CECR2: variants seen among roughly 807,000 people sequenced by gnomAD.
The protein encoded by CECR2 is chromatin remodeling regulator CECR2.
A neutral mutation model predicts 154.5 loss-of-function variants in CECR2; 30 were observed. The ratio of observed to expected loss-of-function variants is 0.19; its 90% CI spans 0.15 to 0.26. CECR2 has a LOEUF of 0.26. CECR2 is among the 10% of genes least tolerant of loss of function. The probability of loss-of-function intolerance (pLI) is 1.00; values close to 1 mark genes in which losing one functional copy is unlikely to be tolerated. For synonymous variants in CECR2, 725 were observed against 683.7 expected, an observed-to-expected ratio of 1.06 and a Z score of -0.94; for missense variants, 1,743 against 1,829.3, an observed-to-expected ratio of 0.95 and a Z score of 0.86.
At chr22:17,516,741 C>T (rs1357870959) in intron 8 of CECR2, among the ~76,000 whole-genome samples, 3 of 152,130 alleles carry the variant, frequency 2.0e-5, no homozygotes, top group African/African-American at 2.4e-5. Flanking sequence ...ATTACATGCA[C>T]CTGCCACCAC....
intron 1 of CECR2, chr22:17,428,513 T>A (rs997774275): frequency 1.3e-5 from 2 of 150,896 alleles, no homozygotes; most frequent in Non-Finnish European, 3.0e-5. Flanking sequence ...TATCAAACAT[T>A]TGGTTATCCT....
At chr22:17,393,296 T>C (rs565478640) in intron 1 of CECR2, among the ~76,000 whole-genome samples, 3 of 152,312 alleles carry the variant, frequency 2.0e-5, no homozygotes, top group Admixed American at 2.0e-4. Flanking sequence ...GATTGGATTT[T>C]TCATTTAGCA....
chr22:17,415,000 T>C (rs1020443497), intron 1 of CECR2, among the ~76,000 whole-genome samples: 5 of 152,194 alleles, frequency 3.3e-5, no homozygotes, highest in African/African-American at 7.2e-5. Flanking sequence ...ATATATGATA[T>C]ACATGTTTAC....
At chr22:17,524,080 T>C (rs1569140706) in intron 8 of CECR2, 38 bp from the exon 9 acceptor site, 1 of 1,475,752 alleles carries the variant, frequency 6.8e-7, no homozygotes, top group Admixed American at 2.0e-5. Flanking sequence ...TCTTGCATGA[T>C]TGTGTACTGA....
intron 2 of CECR2, among the ~76,000 whole-genome samples, chr22:17,488,331 A>G (rs923538173): frequency 6.6e-6 from 1 of 152,180 alleles, no homozygotes; most frequent in African/African-American, 2.4e-5. Flanking sequence ...AAGTACGTTC[A>G]TCGTGTCTTT....
intron 2 of CECR2, among the ~76,000 whole-genome samples, chr22:17,488,568 C>G (rs962716415): frequency 1.3e-5 from 2 of 152,216 alleles, no homozygotes; most frequent in African/African-American, 4.8e-5. Flanking sequence ...AATGAACTCA[C>G]ATCAGCTTCT....
chr22:17,538,710 T>C lies in CECR2; in HGVS notation c.1347T>C (p.Pro449=). Residue 449 remains proline, a synonymous_variant, in exon 12 of 19, where the codon CCT becomes CCC. Coordinates refer to ENST00000262608, the MANE Select transcript of CECR2 (RefSeq NM_001290047.2). ...AACCTGTGGATGAATCTTATGCCCC[T>C]AACTATTATCAGATTATTAAGGTAG... is the stretch of plus-strand genomic sequence containing the variant. The part of the protein sequence containing the change: ...FLEPVDESYA[P]NYYQIIKAPM... 6.2e-7 allele frequency: 1 copy of C among 1,613,856 alleles called. No individual in the cohort carries two copies. Among genetic ancestry groups the C allele is most frequent in the Non-Finnish European group, 8.5e-7 (1 of 1,179,746 alleles).
intron 1 of CECR2, among the ~76,000 whole-genome samples, chr22:17,464,620 C>G (rs1313329950): frequency 6.6e-6 from 1 of 152,132 alleles, no homozygotes; most frequent in Non-Finnish European, 1.5e-5. Context: ...CCTCTGCAGC[C>G]TCCTGAATAG....
Position 17,472,842 on chromosome 22 carries a change from A to G in CECR2, c.127-4746A>G, listed in dbSNP as rs552152156. ...AAAGGCATTTAGCAATATCCTGCAT[A>G]TGTCACTTGACTGTCTCCAGTCTGG... is the stretch of plus-strand genomic sequence containing the variant. On this transcript the variant is annotated intron_variant, in intron 1 of 18. Coordinates refer to ENST00000262608, the MANE Select transcript of CECR2 (RefSeq NM_001290047.2). 1.2e-4 allele frequency among the ~76,000 whole-genome samples: 18 copies of G among 152,324 alleles called. No individual in the cohort carries two copies. The South Asian group carries it at 3.7e-3, about 32-fold the overall frequency.
intron 3 of CECR2, among the ~76,000 whole-genome samples, chr22:17,499,073 T>A (rs1282962417): frequency 2.0e-5 from 3 of 152,106 alleles, no homozygotes; most frequent in Non-Finnish European, 2.9e-5. Flanking sequence ...CACTGCGACC[T>A]CCACCTCCCA....
Position 17,541,842 on chromosome 22 carries a change from C to T in CECR2, c.1888C>T (p.Pro630Ser). Residue 630 changes from proline to serine, a missense_variant, in exon 15 of 19, where the codon CCA (proline) becomes TCA (serine). Physicochemically the swap from Pro to Ser is moderately conservative, Grantham distance 74 (BLOSUM62 -1). This residue lies in a region of CECR2 where 1,250 missense variants were observed against 1,192.1 expected (regional missense o/e 1.05). Transcript: ENST00000262608. The part of the protein sequence containing the change: ...SQAPFLNQMR[P>S]AVPGTFGPLR... ...TGCTTTGTTCAATGTGCTGCAGAGGCCAGCAGTACCAGGAACATTTGGCCC... is the reference window on the plus strand; with the variant it reads ...TGCTTTGTTCAATGTGCTGCAGAGGTCAGCAGTACCAGGAACATTTGGCCC... The T allele has an allele frequency of 1.9e-6, 3 of 1,612,784 alleles. No individual in the cohort carries two copies. The highest frequency in any genetic ancestry group is 2.5e-6 in the Non-Finnish European group (3 of 1,179,268).
At chr22:17,402,680 A>G (rs541148439) in intron 1 of CECR2, among the ~76,000 whole-genome samples, 18 of 152,150 alleles carry the variant, frequency 1.2e-4, no homozygotes, top group African/African-American at 4.1e-4. Flanking sequence ...GTGCAGTACT[A>G]TGAACTAAAC....
rs1160573224 is a variant in CECR2, at chr22:17,373,145, C to T, written c.126+3236C>T. On this transcript the variant is annotated intron_variant, in intron 1 of 18. Coordinates refer to ENST00000262608, the MANE Select transcript of CECR2 (RefSeq NM_001290047.2). ...TGGCGCGACCTCGGCTCACTGCAAC[C>T]TCCACTTCCCAGGTTCAGGTGATTC... Among the ~76,000 whole-genome samples, 4 of 152,180 alleles carry T rather than the reference C, an allele frequency of 2.6e-5. 1 individual carries two copies. Among genetic ancestry groups the T allele is most frequent in the Non-Finnish European group, 5.9e-5 (4 of 68,034 alleles).
rs566171737 is a variant in CECR2 at position 17,377,430 on chromosome 22, A to AT, written c.126+7536dup. ...CATTGAATTATGTGATTCTTACTTC[A>AT]TTTTTTTTTTTTTTTAAAGACAGTA... On this transcript the variant is annotated intron_variant, in intron 1 of 18. Coordinates refer to ENST00000262608, the MANE Select transcript of CECR2 (RefSeq NM_001290047.2). Among the ~76,000 whole-genome samples, 511 of 140,254 alleles carry AT rather than the reference A, an allele frequency of 3.6e-3. 11 individuals carry two copies. The South Asian group carries it at 0.058, about 16-fold the overall frequency. 92.0% of individuals were successfully genotyped at this position (140,254 alleles called of 152,430 possible).
intron 9 of CECR2, among the ~76,000 whole-genome samples, chr22:17,531,754 A>G (rs1315447208): frequency 6.6e-6 from 1 of 152,246 alleles, no homozygotes; most frequent in Non-Finnish European, 1.5e-5. Flanking sequence ...ATGTGGGCAT[A>G]TGGAACTGAA....
intron 9 of CECR2, among the ~76,000 whole-genome samples, chr22:17,526,781 C>T (rs1478665385): frequency 7.1e-6 from 1 of 141,192 alleles, no homozygotes; most frequent in African/African-American, 2.6e-5. Flanking sequence ...TGCACTCCAA[C>T]CTGTGTGACA....
intron 1 of CECR2, among the ~76,000 whole-genome samples, chr22:17,373,362 TATCTC>T (rs1440892931): frequency 6.6e-6 from 1 of 152,204 alleles, no homozygotes; most frequent in East Asian, 1.9e-4. Context: ...AGTAATGCCT[TATCTC>T]AGTTCAAAAT....
chr22:17,422,847 G>T (rs2054277076), intron 1 of CECR2, among the ~76,000 whole-genome samples: 1 of 151,792 alleles, frequency 6.6e-6, no homozygotes, highest in South Asian at 2.1e-4. Context: ...TTGCTCTCTG[G>T]CACTTCTTTT....
chr22:17,488,741 G>A (rs78990423), intron 2 of CECR2, among the ~76,000 whole-genome samples: 21,265 of 152,184 alleles, frequency 0.14, 1,832 homozygotes, highest in Non-Finnish European at 0.19. Context: ...TCCAGTTGGA[G>A]CCTATTATGA....
Sources: allele counts gnomAD v4.1 joint callset (sites outside exome capture counted in the v4.1 genomes callset), GRCh38; gene constraint gnomAD v4.1.1; regional missense constraint gnomAD v4.1.1; transcripts MANE v1.5; gene names NCBI Gene and HGNC (gene_info 2026-07-23, HGNC 2026-07-21).